Variants in LRP4 observed in about 807,000 individuals in gnomAD.
LRP4 encodes LDL receptor related protein 4, also known as low-density lipoprotein receptor-related protein 4.
Under a neutral mutation model 220.3 loss-of-function variants are expected in LRP4, and 95 were observed. That is an observed-to-expected ratio of 0.43 (90% CI 0.37 to 0.51). The LOEUF is 0.51. LRP4 is among the 20% of genes least tolerant of loss of function. The pLI, the probability that LRP4 is intolerant of heterozygous loss-of-function variation, is 0.00. For synonymous variants in LRP4, 903 were observed against 954.6 expected (o/e 0.95, Z 1.00); for missense variants, 1,925 against 2,567.0 (o/e 0.75, Z 5.40).
At chr11:46,916,541 C>A (rs560015852) in intron 1 of LRP4, among the ~76,000 whole-genome samples, 125 of 145,784 alleles carry the variant, frequency 8.6e-4, no homozygotes, top group Non-Finnish European at 1.1e-3. Context: ...CCCATTCTCA[C>A]CCCCATCCTC....
At chr11:46,866,138 GAAAA>G (rs1208907934) in intron 34 of LRP4, among the ~76,000 whole-genome samples, 2 of 127,574 alleles carry the variant, frequency 1.6e-5, no homozygotes, top group Non-Finnish European at 1.7e-5. Context: ...TGTTGCAGTG[GAAAA>G]AAAAAAAAAC....
rs751749634 is a variant in LRP4, at chr11:46,878,983, G to C, written c.3060C>G (p.Ser1020=). 4.3e-6 allele frequency: 7 copies of C among 1,614,112 alleles called. No homozygotes were observed. The South Asian group carries it at 7.7e-5, about 18-fold the overall frequency. The change falls in exon 22 of 38, where the codon TCC becomes TCG. Residue 1020 remains serine, a synonymous_variant. Coordinates refer to ENST00000378623, the MANE Select transcript of LRP4 (RefSeq NM_002334.4). The stretch of plus-strand genomic sequence containing the variant: ...TACAGCTGAATCCGCTTGGATTTGG[G>C]GACCTAAGACACAGGTGGCTACAGC... ...NGGCSHLCLR[S]PNPSGFSCTC...
At chr11:46,895,135 G>A in intron 11 of LRP4, 31 bp downstream of exon 11, 2 of 1,612,836 alleles carry the variant, frequency 1.2e-6, no homozygotes, top group Non-Finnish European at 1.7e-6. Flanking sequence ...TCGGCCCTCT[G>A]CCCACCCAGC....
chr11:46,890,238 G>A lies in LRP4; in HGVS notation c.1915+39C>T. 1 of 1,609,776 alleles carries A rather than the reference G, an allele frequency of 6.2e-7. No homozygotes were observed. The highest frequency in any genetic ancestry group is 1.1e-5 in the South Asian group (1 of 90,970). On this transcript the variant is annotated intron_variant, in intron 14 of 37. Coordinates refer to ENST00000378623, the MANE Select transcript of LRP4 (RefSeq NM_002334.4). The surrounding 1 kb of genome is among the most constrained non-coding windows in gnomAD (Gnocchi z 5.3). ...TCCTGGGGGGCAGGGACGGGGGCAG[G>A]AGGACAAGAGATGAAGGAGACTGAA...
chr11:46,910,516 AG>A (rs1188835475), intron 1 of LRP4, among the ~76,000 whole-genome samples: 1 of 152,180 alleles, frequency 6.6e-6, no homozygotes, highest in Non-Finnish European at 1.5e-5. Context: ...TCCATGATTA[AG>A]ACCTGCTATT....
rs984137686 is a variant in LRP4, at chr11:46,869,205, G to A, written c.4693-73C>T. On this transcript the variant is annotated intron_variant, in intron 31 of 37. Coordinates refer to ENST00000378623, the MANE Select transcript of LRP4 (RefSeq NM_002334.4). ...AGACTCCTTCCTGTACAGCTTCTGTGCCTCACCATGTGCCACTGCCTCTGC... is the reference window on the plus strand; with the variant it reads ...AGACTCCTTCCTGTACAGCTTCTGTACCTCACCATGTGCCACTGCCTCTGC... The A allele has an allele frequency of 2.1e-6, 3 of 1,443,402 alleles. No homozygotes were observed. In the African/African-American group the frequency reaches 4.2e-5, roughly 20 times the overall value. 89.4% of individuals were successfully genotyped at this position (1,443,402 alleles called of 1,614,324 possible). A position where few individuals can be genotyped will look rare whatever the true frequency, so the allele number is the denominator to read the frequency against.
chr11:46,898,578 T>C lies in LRP4; in HGVS notation c.776A>G (p.Gln259Arg), dbSNP rs1941594469. The C allele has an allele frequency of 1.9e-6, 3 of 1,614,190 alleles. No individual in the cohort carries two copies. The South Asian group carries it at 3.3e-5, about 18-fold the overall frequency. ...RCDGDADCDD[Q>R]SDERNCTTSM... ...CTCACTGCAGTTGCGCTCATCAGAC[T>C]GGTCATCACAGTCCGCGTCACCATC... The change falls in exon 7 of 38, where the codon CAG becomes CGG. Residue 259 changes from glutamine (Q) to arginine (R), a missense_variant. Physicochemically the swap from Gln to Arg is conservative, Grantham distance 43. This residue lies in a region of LRP4 where 412 missense variants were observed against 505.4 expected (regional missense o/e 0.82). Coordinates refer to ENST00000378623, the MANE Select transcript of LRP4 (RefSeq NM_002334.4).
intron 1 of LRP4, among the ~76,000 whole-genome samples, chr11:46,904,645 C>T (rs1941729879): frequency 6.6e-6 from 1 of 152,138 alleles, no homozygotes; most frequent in African/African-American, 2.4e-5. Flanking sequence ...TCTCCCTCCA[C>T]ATGCTATGGT....
At chr11:46,917,505 C>T (rs1366338995) in intron 1 of LRP4, among the ~76,000 whole-genome samples, 1 of 152,208 alleles carries the variant, frequency 6.6e-6, no homozygotes, top group Non-Finnish European at 1.5e-5. Context: ...AGTCCTGCTG[C>T]AGCCGTCCAG....
In LRP4 at chr11:46,871,761, C is replaced by T. The variant is rs972609766; in HGVS notation, c.4584-128G>A. The T allele has an allele frequency of 1.7e-5, 12 of 714,966 alleles. No individual in the cohort carries two copies. In the East Asian group the frequency reaches 1.9e-4, roughly 11 times the overall value. 44.3% of individuals were successfully genotyped at this position (714,966 alleles called of 1,614,324 possible). A position where few individuals can be genotyped will look rare whatever the true frequency, so the allele number is the denominator to read the frequency against. ...GCTATGAGAACTCAAGAAGCACCCTCGATGAGGGGTCATTGTGAGTCCCAA... is the reference window on the plus strand; with the variant it reads ...GCTATGAGAACTCAAGAAGCACCCTTGATGAGGGGTCATTGTGAGTCCCAA... On this transcript the variant is annotated intron_variant, in intron 30 of 37. Coordinates refer to ENST00000378623, the MANE Select transcript of LRP4 (RefSeq NM_002334.4).
At position 46,869,204 on chromosome 11, in the gene LRP4, T is replaced by G. The variant is rs546842640; in HGVS notation, c.4693-72A>C. On this transcript the variant is annotated intron_variant, in intron 31 of 37. Coordinates refer to ENST00000378623, the MANE Select transcript of LRP4 (RefSeq NM_002334.4). ...CAGACTCCTTCCTGTACAGCTTCTG[T>G]GCCTCACCATGTGCCACTGCCTCTG... 4,305 of 1,449,670 alleles carry G rather than the reference T, an allele frequency of 3.0e-3. 61 individuals carry two copies. Among genetic ancestry groups the G allele is most frequent in the South Asian group, 0.018 (1,466 of 83,008 alleles). The allele number at this position is 1,449,670 out of a possible 1,614,324, so 89.8% of individuals were successfully genotyped here.
At chr11:46,870,264 A>G (rs1430173901) in intron 31 of LRP4, among the ~76,000 whole-genome samples, 2 of 152,190 alleles carry the variant, frequency 1.3e-5, no homozygotes, top group Non-Finnish European at 2.9e-5. Context: ...GCAAGACTCC[A>G]TCTTAAAAAC....
At chr11:46,898,431 C>A in intron 7 of LRP4, 127 bp downstream of exon 7, 2 of 1,278,268 alleles carry the variant, frequency 1.6e-6, no homozygotes. Context: ...AGCAATCCAC[C>A]CACCTTGGTC....
At chr11:46,894,256 T>C (rs1941478831) in intron 12 of LRP4, among the ~76,000 whole-genome samples, 1 of 152,182 alleles carries the variant, frequency 6.6e-6, no homozygotes, top group African/African-American at 2.4e-5. Flanking sequence ...ATATTCTTAA[T>C]ACTAAGCAAT....
At position 46,879,295 on chromosome 11, in the gene LRP4, G is replaced by A. The variant is rs201362411; in HGVS notation, c.2835C>T (p.Leu945=). The A allele has an allele frequency of 6.8e-6, 11 of 1,614,030 alleles. No individual in the cohort carries two copies. The highest frequency in any genetic ancestry group is 9.3e-6 in the Non-Finnish European group (11 of 1,180,050). The change falls in exon 21 of 38, where the codon CTC becomes CTT. Residue 945 remains leucine (L), a synonymous_variant. Coordinates refer to ENST00000378623, the MANE Select transcript of LRP4 (RefSeq NM_002334.4). The stretch of plus-strand genomic sequence containing the variant: ...AGAGGGTCAGCCCAAATGGGTGGGG[G>A]AGCTGGCTTCCAATCAGCACCTGCC... ...SKRKVLIGSQ[L]PHPFGLTLYG...
rs1940913489 is a variant in LRP4, at chr11:46,873,120, G to C, written c.4563C>G (p.Thr1521=). The part of the protein sequence containing the change: ...NTDLGWPNGL[T]LDYDTRRIYW... ...CCCACCTGCGGGTATCATAGTCCAGGGTAAGGCCATTGGGCCAACCCAGGT... is the reference window on the plus strand; with the variant it reads ...CCCACCTGCGGGTATCATAGTCCAGCGTAAGGCCATTGGGCCAACCCAGGT... Residue 1521 remains threonine (T), a synonymous_variant, in exon 30 of 38, where the codon ACC becomes ACG. Transcript: ENST00000378623. This position sits in a 1 kb window ranked among gnomAD's most constrained non-coding sequence, Gnocchi z 4.2. The C allele has an allele frequency of 1.9e-6, 3 of 1,614,150 alleles. No individual in the cohort carries two copies. Among genetic ancestry groups the C allele is most frequent in the Non-Finnish European group, 2.5e-6 (3 of 1,180,024 alleles).
Position 46,883,953 on chromosome 11 carries a change from T to C in LRP4, c.2530A>G (p.Asn844Asp), listed in dbSNP as rs775969430. ...DAGTDRIEVA[N>D]TDGSMRTVLI... is the part of the protein sequence containing the mutation. ...ACTGTTCTCATGCTGCCATCTGTGT[T>C]GGCTACTTCAATCCGGTCTGTACCT... Residue 844 changes from asparagine to aspartate, a missense_variant, in exon 19 of 38, where the codon AAC becomes GAC. Asn to Asp is a conservative substitution (Grantham distance 23, BLOSUM62 1). This residue lies in a region of LRP4 where 1,244 missense variants were observed against 1,624.9 expected (regional missense o/e 0.77). Coordinates refer to ENST00000378623, the MANE Select transcript of LRP4 (RefSeq NM_002334.4). 1.9e-6 allele frequency: 3 copies of C among 1,614,176 alleles called. No homozygotes were observed. The South Asian group carries it at 3.3e-5, about 18-fold the overall frequency.
Position 46,864,423 on chromosome 11 carries a change from GC to G in LRP4, c.5243+24del, listed in dbSNP as rs773907920. 5.8e-6 allele frequency: 9 copies of G among 1,538,772 alleles called. No homozygotes were observed. The South Asian group carries it at 8.9e-5, about 15-fold the overall frequency. ...GCTCATGAAGACCAATGAGCATGTGGCCCCTGTAGCAAGACTGAAGTTACCT... is the reference window on the plus strand; with the variant it reads ...GCTCATGAAGACCAATGAGCATGTGGCCCTGTAGCAAGACTGAAGTTACCT... On this transcript the variant is annotated intron_variant, in intron 36 of 37. Coordinates refer to ENST00000378623, the MANE Select transcript of LRP4 (RefSeq NM_002334.4).
At chr11:46,897,985 G>A (rs1941576552) in intron 7 of LRP4, among the ~76,000 whole-genome samples, 1 of 134,108 alleles carries the variant, frequency 7.5e-6, no homozygotes, top group South Asian at 2.5e-4. Context: ...CGGACGGGGC[G>A]GCTGGCCGGG....
Sources: gnomAD v4.1 joint callset for allele counts (sites outside exome capture counted in the v4.1 genomes callset) on GRCh38, gnomAD v4.1.1 for gene constraint, gnomAD v4.1.1 regional missense constraint, Gnocchi (gnomAD v3.1) non-coding constraint, MANE v1.5 for transcripts, NCBI Gene and HGNC (gene_info 2026-07-23, HGNC 2026-07-21) for gene names.